Variants in DIP2B observed in about 807,000 individuals in gnomAD.
DIP2B encodes the protein DIP2 acetate--CoA ligase B (putative).
Under a neutral mutation model 198.0 loss-of-function variants are expected in DIP2B, and 76 were observed. That is an observed-to-expected ratio of 0.38 (90% CI 0.32 to 0.46). The LOEUF (loss-of-function observed/expected upper bound fraction) is 0.46, where lower values mean the gene tolerates loss of function less well. DIP2B is among the 20% of genes least tolerant of loss of function. DIP2B has a pLI of 0.99. For missense variants in DIP2B, 1,559 were observed against 1,978.4 expected (o/e 0.79, Z 4.02); for synonymous variants, 701 against 739.1 (o/e 0.95, Z 0.84).
At position 50,742,394 on chromosome 12, in the gene DIP2B, CAA is replaced by C. The variant is rs59566626; in HGVS notation, c.4478+882_4478+883del. Among the ~76,000 whole-genome samples the C allele has an allele frequency of 6.1e-4, 29 of 47,468 alleles. 1 individual carries two copies. Among genetic ancestry groups the C allele is most frequent in the East Asian group, 4.1e-3 (4 of 970 alleles). The allele number at this position is 47,468 out of a possible 152,430, so 31.1% of individuals were successfully genotyped here. ...CCCTGGTGACAGACTGAGACTGTCTCAAAAAAAAAAAAAAAAAAAAAAAAAAA... is the reference window on the plus strand; with the variant it reads ...CCCTGGTGACAGACTGAGACTGTCTCAAAAAAAAAAAAAAAAAAAAAAAAA... On this transcript the variant is annotated intron_variant, in intron 37 of 37. Transcript: ENST00000301180.
intron 4 of DIP2B, among the ~76,000 whole-genome samples, chr12:50,666,624 A>C (rs905690592): frequency 3.3e-5 from 5 of 152,176 alleles, no homozygotes; most frequent in African/African-American, 1.2e-4. Context: ...AACTATAATG[A>C]TAAAACCTTG....
chr12:50,658,066 T>C (rs1337107979), intron 3 of DIP2B, among the ~76,000 whole-genome samples: 1 of 134,168 alleles, frequency 7.5e-6, no homozygotes, highest in Non-Finnish European at 1.6e-5. Flanking sequence ...CTAGGCAGCA[T>C]ACATAGCAAG....
chr12:50,534,386 T>C (rs1958245317), intron 1 of DIP2B, among the ~76,000 whole-genome samples: 1 of 149,638 alleles, frequency 6.7e-6, no homozygotes, highest in Admixed American at 6.7e-5. Flanking sequence ...TTTTTTTTTT[T>C]TTTTGAGACG....
At chr12:50,649,167 G>T (rs1399582886) in intron 3 of DIP2B, among the ~76,000 whole-genome samples, 1 of 152,116 alleles carries the variant, frequency 6.6e-6, no homozygotes, top group African/African-American at 2.4e-5. Flanking sequence ...AAGACGCCAG[G>T]TCTGTCTAAA....
chr12:50,724,873 C>T lies in DIP2B; in HGVS notation c.3387C>T (p.Thr1129=), dbSNP rs768843923. 1 of 1,614,128 alleles carries T rather than the reference C, an allele frequency of 6.2e-7. No homozygotes were observed. The highest frequency in any genetic ancestry group is 1.1e-5 in the South Asian group (1 of 91,080). Residue 1129 remains threonine (T), a synonymous_variant, in exon 28 of 38, where the codon ACC becomes ACT. Transcript: ENST00000301180. ...AAAVDVKTWP[T]IIDTDDLPRK... ...CTGTGGATGTGAAAACCTGGCCAACCATCATTGACACAGGTGAAAGGGAGA... is the reference window on the plus strand; with the variant it reads ...CTGTGGATGTGAAAACCTGGCCAACTATCATTGACACAGGTGAAAGGGAGA...
intron 1 of DIP2B, among the ~76,000 whole-genome samples, chr12:50,550,300 A>C (rs971240476): frequency 8.6e-5 from 13 of 151,692 alleles, no homozygotes; most frequent in African/African-American, 3.1e-4. Context: ...CCTGCATTTT[A>C]TTGGCCAGTT....
At chr12:50,658,031 G>A (rs1593693353) in intron 3 of DIP2B, among the ~76,000 whole-genome samples, 1 of 150,684 alleles carries the variant, frequency 6.6e-6, no homozygotes, top group South Asian at 2.1e-4. Context: ...CGGGTGGATC[G>A]CTGGAGCCCA....
chr12:50,512,574 A>G (rs1958027936), intron 1 of DIP2B, among the ~76,000 whole-genome samples: 1 of 152,242 alleles, frequency 6.6e-6, no homozygotes, highest in African/African-American at 2.4e-5. Context: ...GACATAAGGT[A>G]GTGTTGTATA....
At chr12:50,607,106 T>C (rs898300394) in intron 1 of DIP2B, among the ~76,000 whole-genome samples, 3 of 132,940 alleles carry the variant, frequency 2.3e-5, no homozygotes, top group Non-Finnish European at 3.2e-5. Flanking sequence ...CATGCTTGGC[T>C]TCTTTTTTTT....
At chr12:50,628,884 C>T (rs1174130894) in intron 2 of DIP2B, among the ~76,000 whole-genome samples, 1 of 151,876 alleles carries the variant, frequency 6.6e-6, no homozygotes, top group Non-Finnish European at 1.5e-5. Flanking sequence ...TTCTTTCATT[C>T]TTGTTTTTGT....
chr12:50,620,532 CA>C (rs1344801507), intron 1 of DIP2B, among the ~76,000 whole-genome samples: 3 of 152,138 alleles, frequency 2.0e-5, no homozygotes, highest in Non-Finnish European at 4.4e-5. Context: ...TGTCTTCATA[CA>C]AGGCTCTATG....
At chr12:50,666,836 AC>A (rs1219643300) in intron 4 of DIP2B, among the ~76,000 whole-genome samples, 14 of 151,986 alleles carry the variant, frequency 9.2e-5, no homozygotes, top group Non-Finnish European at 1.8e-4. Context: ...CCTGGCTAAC[AC>A]GCTGAAACCT....
chr12:50,683,203 G>C lies in DIP2B; in HGVS notation c.1272G>C (p.Leu424=). The C allele has an allele frequency of 6.2e-7, 1 of 1,612,854 alleles. No homozygotes were observed. Among genetic ancestry groups the C allele is most frequent in the Non-Finnish European group, 8.5e-7 (1 of 1,179,646 alleles). Residue 424 remains leucine (L), a synonymous_variant, in exon 10 of 38, where the codon CTG becomes CTC. Transcript: ENST00000301180. ...MFMVAFYGCL[L]AEVIPVPIEV... is the part of the protein sequence containing the mutation. The stretch of plus-strand genomic sequence containing the variant: ...TGGTGGCTTTCTATGGATGCCTCCT[G>C]GCAGAAGTGATTCCAGTGCCTATAG...
intron 21 of DIP2B, among the ~76,000 whole-genome samples, chr12:50,707,874 C>G (rs1223208653): frequency 1.3e-5 from 2 of 152,098 alleles, no homozygotes; most frequent in Non-Finnish European, 2.9e-5. Context: ...TGGGTCTGAC[C>G]TCTCTCCCTC....
intron 1 of DIP2B, among the ~76,000 whole-genome samples, chr12:50,585,522 G>A (rs987244901): frequency 2.6e-5 from 4 of 152,142 alleles, no homozygotes; most frequent in African/African-American, 9.7e-5. Flanking sequence ...GAGTGTTCTG[G>A]CAAAGGAACA....
At chr12:50,654,409 C>CA (rs1938518886) in intron 3 of DIP2B, among the ~76,000 whole-genome samples, 1 of 149,028 alleles carries the variant, frequency 6.7e-6, no homozygotes, top group Non-Finnish European at 1.5e-5. Context: ...GGCTGGAGTG[C>CA]AAGTAGTGTG....
chr12:50,534,576 C>T (rs1282737288), intron 1 of DIP2B, among the ~76,000 whole-genome samples: 1 of 151,816 alleles, frequency 6.6e-6, no homozygotes, highest in Admixed American at 6.6e-5. Flanking sequence ...GTTGGTCAGG[C>T]TGGTCTTGAA....
intron 1 of DIP2B, among the ~76,000 whole-genome samples, chr12:50,574,182 AT>A (rs1958638311): frequency 6.6e-6 from 1 of 152,228 alleles, no homozygotes; most frequent in African/African-American, 2.4e-5. Context: ...TTTAAAAAAA[AT>A]CTTGAATTAT....
At chr12:50,671,038 G>A (rs1334210168) in intron 4 of DIP2B, 148 bp from the exon 5 acceptor site, 9 of 743,434 alleles carry the variant, frequency 1.2e-5, no homozygotes, top group African/African-American at 7.1e-5. Context: ...TTTTCCTTGA[G>A]ATTCTTGAGA....
Sources: allele counts gnomAD v4.1 joint callset (sites outside exome capture counted in the v4.1 genomes callset), GRCh38; gene constraint gnomAD v4.1.1; transcripts MANE v1.5; gene names NCBI Gene and HGNC (gene_info 2026-07-23, HGNC 2026-07-21).